COL4A2: variants seen among roughly 807,000 people sequenced by gnomAD.
The protein encoded by COL4A2 is collagen type IV alpha 2 chain, also known as collagen alpha-2(IV) chain.
A neutral mutation model predicts 200.2 loss-of-function variants in COL4A2; 99 were observed. The ratio of observed to expected loss-of-function variants is 0.49; its 90% CI spans 0.42 to 0.58. COL4A2 has a LOEUF of 0.58. Among genes scored for constraint, COL4A2 ranks in the 20% least tolerant of loss-of-function variants. The pLI, the probability that COL4A2 is intolerant of heterozygous loss-of-function variation, is 0.00. For missense variants in COL4A2, 1,950 were observed against 2,314.1 expected, an observed-to-expected ratio of 0.84 and a Z score of 3.23; for synonymous variants, 897 against 900.6, an observed-to-expected ratio of 1.00 and a Z score of 0.07.
intron 4 of COL4A2, among the ~76,000 whole-genome samples, chr13:110,410,538 T>C (rs2139439705): frequency 6.6e-6 from 1 of 152,268 alleles, no homozygotes; most frequent in South Asian, 2.1e-4. Context: ...CCTAAAACCT[T>C]CCCATTCGTA....
chr13:110,411,610 A>T (rs1180187223), intron 4 of COL4A2, among the ~76,000 whole-genome samples: 1 of 152,196 alleles, frequency 6.6e-6, no homozygotes, highest in Non-Finnish European at 1.5e-5. Context: ...CATGTTCTTA[A>T]ATCACCTCTG....
At chr13:110,357,898 G>A (rs1013983782) in intron 4 of COL4A2, among the ~76,000 whole-genome samples, 14 of 152,224 alleles carry the variant, frequency 9.2e-5, no homozygotes, top group African/African-American at 2.9e-4. Flanking sequence ...CTTGGAAGTT[G>A]CTCTGTCTGC....
intron 4 of COL4A2, among the ~76,000 whole-genome samples, chr13:110,398,809 G>T (rs1594191649): frequency 6.6e-6 from 1 of 152,136 alleles, no homozygotes; most frequent in Admixed American, 6.5e-5. Context: ...AGGCAGGGTG[G>T]AGTTGGAGAT....
At chr13:110,432,623 C>T (rs1880723182) in intron 11 of COL4A2, among the ~76,000 whole-genome samples, 1 of 152,210 alleles carries the variant, frequency 6.6e-6, no homozygotes, top group Non-Finnish European at 1.5e-5. Context: ...ATGAAAACCA[C>T]ACTGAGGAAC....
chr13:110,411,617 T>C (rs1879841095), intron 4 of COL4A2, among the ~76,000 whole-genome samples: 1 of 152,174 alleles, frequency 6.6e-6, no homozygotes. Context: ...TTAAATCACC[T>C]CTGCAGGACT....
intron 3 of COL4A2, among the ~76,000 whole-genome samples, chr13:110,325,471 A>G (rs1885381820): frequency 6.6e-6 from 1 of 152,252 alleles, no homozygotes; most frequent in Non-Finnish European, 1.5e-5. Flanking sequence ...GAAACCGCCT[A>G]TTAGAGATAA....
rs1425142080 is a variant in COL4A2 at position 110,438,036 on chromosome 13, G to C, written c.860G>C (p.Arg287Thr). 1 of 1,612,950 alleles carries C rather than the reference G, an allele frequency of 6.2e-7. No homozygotes were observed. Among genetic ancestry groups the C allele is most frequent in the East Asian group, 2.2e-5 (1 of 44,890 alleles). The change falls in exon 14 of 48, where the codon AGA (arginine) becomes ACA (threonine). Residue 287 changes from arginine to threonine, a missense_variant and splice_region_variant. Physicochemically the swap from Arg to Thr is moderately conservative, Grantham distance 71. Transcript: ENST00000360467. ...GGCAGTGAGGGGGAACCAGGAATAA[G>C]AGTAAGTCGAGTAATGAGCATGCCC... ...EKGSEGEPGI[R>T]GISLKGEEGI...
chr13:110,323,845 C>T (rs1315187964), intron 3 of COL4A2, among the ~76,000 whole-genome samples: 1 of 152,170 alleles, frequency 6.6e-6, no homozygotes, highest in African/African-American at 2.4e-5. Flanking sequence ...AGATTCCTGG[C>T]CAGGACCGAA....
Position 110,494,804 on chromosome 13 carries a change from A to C in COL4A2, c.3635-538A>C, listed in dbSNP as rs76065698. ...TTGTAGACATTTCATATAACCAAATATTGCTCTGTCTACAGGTGAATTTGT... is the reference window on the plus strand; with the variant it reads ...TTGTAGACATTTCATATAACCAAATCTTGCTCTGTCTACAGGTGAATTTGT... On this transcript the variant is annotated intron_variant, in intron 39 of 47. Coordinates refer to ENST00000360467, the MANE Select transcript of COL4A2 (RefSeq NM_001846.4). 2.2e-3 allele frequency among the ~76,000 whole-genome samples: 337 copies of C among 152,332 alleles called. 13 individuals carry two copies. The East Asian group carries it at 0.051, about 23-fold the overall frequency.
intron 10 of COL4A2, 117 bp downstream of exon 10, chr13:110,430,724 T>C (rs776068639): frequency 2.9e-6 from 4 of 1,356,016 alleles, no homozygotes; most frequent in Non-Finnish European, 4.2e-6. Context: ...ATGATGCTTA[T>C]AGGCGTAGCA....
intron 3 of COL4A2, among the ~76,000 whole-genome samples, chr13:110,334,800 T>C (rs1876098708): frequency 6.6e-6 from 1 of 152,192 alleles, no homozygotes; most frequent in Admixed American, 6.5e-5. Context: ...AAAGTAAAGA[T>C]GCAAAATTGT....
intron 14 of COL4A2, among the ~76,000 whole-genome samples, 197 bp downstream of exon 14, chr13:110,438,234 G>A (rs1173497058): frequency 6.6e-6 from 1 of 152,212 alleles, no homozygotes; most frequent in East Asian, 1.9e-4. Context: ...CTTCCTCTTG[G>A]CATCATAAAC....
intron 40 of COL4A2, among the ~76,000 whole-genome samples, chr13:110,496,865 G>C (rs542674884): frequency 6.6e-6 from 1 of 150,468 alleles, no homozygotes; most frequent in South Asian, 2.1e-4. Context: ...AGGATCTAGG[G>C]TCAGTCCACC....
At chr13:110,466,253 GA>G (rs1882236872) in intron 26 of COL4A2, among the ~76,000 whole-genome samples, 191 bp downstream of exon 26, 2 of 152,318 alleles carry the variant, frequency 1.3e-5, no homozygotes, top group Non-Finnish European at 2.9e-5. Context: ...TAGAGACGGA[GA>G]GACATTTAAC....
At chr13:110,335,849 G>A (rs375914741) in intron 3 of COL4A2, among the ~76,000 whole-genome samples, 1 of 152,154 alleles carries the variant, frequency 6.6e-6, no homozygotes, top group Non-Finnish European at 1.5e-5. Context: ...CTCACACCAC[G>A]TTTTTGAAAC....
At chr13:110,475,104 A>G (rs965454078) in intron 29 of COL4A2, among the ~76,000 whole-genome samples, 2 of 152,280 alleles carry the variant, frequency 1.3e-5, no homozygotes, top group African/African-American at 2.4e-5. Flanking sequence ...ATGCTCACAC[A>G]TACACATCCA....
chr13:110,343,264 C>T (rs772324140), intron 3 of COL4A2, among the ~76,000 whole-genome samples: 1 of 152,156 alleles, frequency 6.6e-6, no homozygotes, highest in Non-Finnish European at 1.5e-5. Context: ...TCCCAAATAA[C>T]GGAGTGCTGC....
At chr13:110,458,226 G>C (rs749380461) in intron 21 of COL4A2, 1 of 425,304 alleles carries the variant, frequency 2.4e-6, no homozygotes. Context: ...TCTGTGCCCT[G>C]GGGGAGCCAA....
intron 27 of COL4A2, chr13:110,468,257 T>C: frequency 2.1e-6 from 1 of 471,640 alleles, no homozygotes. Context: ...AGGTAAAGGC[T>C]CCTTGTGTTG....
Sources: allele counts gnomAD v4.1 joint callset (sites outside exome capture counted in the v4.1 genomes callset), GRCh38; gene constraint gnomAD v4.1.1; transcripts MANE v1.5; gene names NCBI Gene and HGNC (gene_info 2026-07-23, HGNC 2026-07-21).